EPHA5: variants seen among roughly 807,000 people sequenced by gnomAD.
The protein encoded by EPHA5 is ephrin type-A receptor 5.
Under a neutral mutation model 105.0 loss-of-function variants are expected in EPHA5, and 60 were observed. That is an observed-to-expected ratio of 0.57 (90% CI 0.46 to 0.71). The LOEUF (loss-of-function observed/expected upper bound fraction) is 0.71. Among genes scored for constraint, EPHA5 ranks in the 30% least tolerant of loss-of-function variants. EPHA5 has a pLI of 0.00. For synonymous variants in EPHA5, 513 were observed against 449.1 expected (o/e 1.14, Z -1.80); for missense variants, 1,218 against 1,274.7 (o/e 0.96, Z 0.68).
rs946799301 is a variant in EPHA5, at chr4:65,546,865, T to A, written c.911-51322A>T. ...TTCTAAAAAGTAACTCCTTTTTTTT[T>A]GTTTTTCTAATTCAAGACAACTAAA... On this transcript the variant is annotated intron_variant, in intron 3 of 16. Transcript: ENST00000613740. 1.7e-3 allele frequency among the ~76,000 whole-genome samples: 257 copies of A among 146,994 alleles called. 1 individual carries two copies. Among genetic ancestry groups the A allele is most frequent in the Non-Finnish European group, 3.0e-3 (201 of 66,200 alleles).
intron 5 of EPHA5, among the ~76,000 whole-genome samples, chr4:65,456,741 C>CAA (rs755362710): frequency 6.6e-6 from 1 of 151,302 alleles, no homozygotes; most frequent in East Asian, 1.9e-4. Context: ...CACACACACA[C>CAA]ATACACATTG....
chr4:65,619,421 A>T (rs1294623324), intron 2 of EPHA5, among the ~76,000 whole-genome samples: 1 of 152,148 alleles, frequency 6.6e-6, no homozygotes, highest in African/African-American at 2.4e-5. Flanking sequence ...TTGAAGAAAG[A>T]CATTAAATGA....
At chr4:65,399,721 G>A (rs2148977564) in intron 8 of EPHA5, among the ~76,000 whole-genome samples, 1 of 152,308 alleles carries the variant, frequency 6.6e-6, no homozygotes, top group Admixed American at 6.5e-5. Context: ...TTCTAATTGT[G>A]TATGTGGACT....
chr4:65,599,962 T>C (rs1021545575), intron 3 of EPHA5, among the ~76,000 whole-genome samples: 3 of 152,108 alleles, frequency 2.0e-5, no homozygotes, highest in Admixed American at 1.3e-4. Context: ...TCTTATACTA[T>C]CTGTCAATCA....
At chr4:65,576,057 A>AGAAAGAAAG (rs1560721043) in intron 3 of EPHA5, among the ~76,000 whole-genome samples, 15 of 70,962 alleles carry the variant, frequency 2.1e-4, no homozygotes, top group Middle Eastern at 8.2e-3. Context: ...AAAGAAAGAA[A>AGAAAGAAAG]GAAAAGAAAA....
intron 7 of EPHA5, among the ~76,000 whole-genome samples, chr4:65,408,653 G>T (rs1014196239): frequency 1.3e-5 from 2 of 151,942 alleles, no homozygotes; most frequent in African/African-American, 4.8e-5. Context: ...CCATCTCACA[G>T]CAGTTAGAAT....
At chr4:65,375,786 TACACACAC>T (rs72454890) in intron 8 of EPHA5, among the ~76,000 whole-genome samples, 3 of 132,410 alleles carry the variant, frequency 2.3e-5, no homozygotes, top group Non-Finnish European at 3.5e-5. Context: ...CACACACACA[TACACACAC>T]ACACACACAC....
intron 3 of EPHA5, among the ~76,000 whole-genome samples, chr4:65,563,905 G>T (rs542333983): frequency 6.6e-6 from 1 of 151,896 alleles, no homozygotes; most frequent in East Asian, 1.9e-4. Context: ...AAATATCAAA[G>T]GCTAATAAAT....
intron 7 of EPHA5, 77 bp downstream of exon 7, chr4:65,414,207 G>A (rs2149017809): frequency 1.6e-6 from 2 of 1,288,916 alleles, no homozygotes; most frequent in Non-Finnish European, 2.2e-6. Flanking sequence ...AGAGTGCCCA[G>A]GGAGGGTATT....
intron 5 of EPHA5, among the ~76,000 whole-genome samples, chr4:65,422,460 C>T: frequency 6.6e-6 from 1 of 152,160 alleles, no homozygotes; most frequent in East Asian, 1.9e-4. Context: ...CCTGCTCAAC[C>T]TTTTAAGTCT....
chr4:65,636,259 G>C (rs1339691030), intron 2 of EPHA5, among the ~76,000 whole-genome samples: 1 of 152,116 alleles, frequency 6.6e-6, no homozygotes, highest in East Asian at 1.9e-4. Context: ...TGGTCTAACA[G>C]TGGATAGAAT....
At chr4:65,581,472 G>A (rs576440687) in intron 3 of EPHA5, among the ~76,000 whole-genome samples, 2 of 151,754 alleles carry the variant, frequency 1.3e-5, no homozygotes, top group South Asian at 4.1e-4. Flanking sequence ...CAAGCAAAGC[G>A]ATTTACCCAA....
intron 3 of EPHA5, among the ~76,000 whole-genome samples, chr4:65,555,642 A>G (rs1391416359): frequency 1.4e-5 from 2 of 140,858 alleles, no homozygotes; most frequent in Admixed American, 6.8e-5. Context: ...ATTTTAACAC[A>G]TTTTTCGAAG....
At chr4:65,599,708 T>TAAGTA (rs1560753968) in intron 3 of EPHA5, among the ~76,000 whole-genome samples, 1 of 152,172 alleles carries the variant, frequency 6.6e-6, no homozygotes, top group Non-Finnish European at 1.5e-5. Context: ...AGAGTCCAGT[T>TAAGTA]AAGTAAAGTT....
chr4:65,460,958 G>A (rs186671226), intron 5 of EPHA5, among the ~76,000 whole-genome samples: 32 of 151,808 alleles, frequency 2.1e-4, no homozygotes, highest in African/African-American at 6.7e-4. Flanking sequence ...TCATCAAATT[G>A]CTATTAGTGT....
At chr4:65,470,972 T>C (rs1320950464) in intron 5 of EPHA5, among the ~76,000 whole-genome samples, 6 of 152,194 alleles carry the variant, frequency 3.9e-5, no homozygotes, top group Non-Finnish European at 8.8e-5. Flanking sequence ...ACTGCTGTAT[T>C]CAAACTGTGT....
chr4:65,407,506 T>G (rs1722473144), intron 7 of EPHA5, among the ~76,000 whole-genome samples: 1 of 53,880 alleles, frequency 1.9e-5, no homozygotes, highest in Non-Finnish European at 4.5e-5. Context: ...CAAAAGACTG[T>G]TAAAATGCTA....
chr4:65,643,965 A>G (rs1287631784), intron 1 of EPHA5, among the ~76,000 whole-genome samples: 3 of 151,916 alleles, frequency 2.0e-5, no homozygotes, highest in Admixed American at 1.3e-4. Flanking sequence ...TAATTAAGAA[A>G]TAAATCTACA....
At chr4:65,467,987 G>A (rs559416984) in intron 5 of EPHA5, among the ~76,000 whole-genome samples, 120 of 152,092 alleles carry the variant, frequency 7.9e-4, no homozygotes, top group Non-Finnish European at 2.9e-4. Context: ...AATGAATTAT[G>A]CCCTAGAACC....
Sources: allele counts gnomAD v4.1 joint callset (sites outside exome capture counted in the v4.1 genomes callset), GRCh38; gene constraint gnomAD v4.1.1; transcripts MANE v1.5; gene names NCBI Gene and HGNC (gene_info 2026-07-23, HGNC 2026-07-21).